CCDC178: variants seen among roughly 807,000 people sequenced by gnomAD.
The protein encoded by CCDC178 is coiled-coil domain-containing protein 178.
A neutral mutation model predicts 117.4 loss-of-function variants in CCDC178; 126 were observed. The ratio of observed to expected loss-of-function variants is 1.07; its 90% CI spans 0.93 to 1.24. The LOEUF is 1.24. Among genes scored for constraint, CCDC178 ranks in the 50% most tolerant of loss-of-function variants. CCDC178 has a pLI of 0.00. For synonymous variants in CCDC178, 283 were observed against 313.4 expected (o/e 0.90, Z 1.02); for missense variants, 1,030 against 986.9 (o/e 1.04, Z -0.59).
intron 9 of CCDC178, among the ~76,000 whole-genome samples, 162 bp from the exon 10 acceptor site, chr18:33,333,556 C>T (rs2062702155): frequency 7.2e-6 from 1 of 138,112 alleles, no homozygotes. Context: ...GCTCTTGTTG[C>T]CCAGGTTGGA....
Position 33,323,619 on chromosome 18 carries a change from G to C in CCDC178, c.894C>G (p.His298Gln), listed in dbSNP as rs1364166899. ...CTTCAAGTTCTTCATTAACTTTTCT[G>C]TGTAGGTCCATTACCTAGAAATGAA... is the stretch of plus-strand genomic sequence containing the variant. ...YKKKMEVMDLHRKVNEELEEA... is the reference protein window; with the variant it reads ...YKKKMEVMDLQRKVNEELEEA... Residue 298 changes from histidine (H) to glutamine (Q), a missense_variant, in exon 11 of 23, where the codon CAC (histidine) becomes CAG (glutamine). Coordinates refer to ENST00000383096, the MANE Select transcript of CCDC178 (RefSeq NM_001105528.4). 2 of 1,522,964 alleles carry C rather than the reference G, an allele frequency of 1.3e-6. No individual in the cohort carries two copies. The highest frequency in any genetic ancestry group is 1.8e-6 in the Non-Finnish European group (2 of 1,136,868). 94.3% of individuals were successfully genotyped at this position (1,522,964 alleles called of 1,614,324 possible). A position where few individuals can be genotyped will look rare whatever the true frequency, so the allele number is the denominator to read the frequency against.
At chr18:33,403,943 T>C (rs2063745047) in intron 3 of CCDC178, among the ~76,000 whole-genome samples, 1 of 152,206 alleles carries the variant, frequency 6.6e-6, no homozygotes, top group African/African-American at 2.4e-5. Context: ...AGGGGAAAAG[T>C]AGTTATTTTG....
intron 11 of CCDC178, among the ~76,000 whole-genome samples, chr18:33,321,645 G>A (rs1238972190): frequency 6.6e-6 from 1 of 151,424 alleles, no homozygotes; most frequent in Non-Finnish European, 1.5e-5. Flanking sequence ...TGCCTGTGGT[G>A]GTAATTAATA....
rs2055963154 is a variant in CCDC178 at position 33,015,372 on chromosome 18, T to C, written c.2389-40691A>G. On this transcript the variant is annotated intron_variant, in intron 21 of 22. Transcript: ENST00000383096. Reference sequence around the variant, plus strand: ...CGAGGTCAGGAGACCGAGACCATCCTGGCTAACACGGTGAAACCCCGTCTC... The same window carrying C: ...CGAGGTCAGGAGACCGAGACCATCCCGGCTAACACGGTGAAACCCCGTCTC... 2.0e-5 allele frequency among the ~76,000 whole-genome samples: 3 copies of C among 151,936 alleles called. No homozygotes were observed. The South Asian group carries it at 6.2e-4, about 32-fold the overall frequency.
At chr18:32,950,534 C>T (rs960899730) in intron 22 of CCDC178, among the ~76,000 whole-genome samples, 8 of 152,100 alleles carry the variant, frequency 5.3e-5, no homozygotes, top group South Asian at 4.1e-4. Context: ...ATGTCTCATT[C>T]GATTTCGTTT....
chr18:33,418,377 C>T (rs2063975184), intron 2 of CCDC178, among the ~76,000 whole-genome samples: 1 of 152,002 alleles, frequency 6.6e-6, no homozygotes, highest in Non-Finnish European at 1.5e-5. Flanking sequence ...AACCCACAGC[C>T]ATCATCATAC....
intron 21 of CCDC178, among the ~76,000 whole-genome samples, chr18:32,987,874 G>A (rs79834365): frequency 0.031 from 4,669 of 151,994 alleles, 106 homozygotes; most frequent in East Asian, 0.08. Flanking sequence ...GAGGCAGGTG[G>A]ATCGCCTGAG....
intron 20 of CCDC178, among the ~76,000 whole-genome samples, chr18:33,169,950 T>G (rs1447035455): frequency 6.6e-6 from 1 of 152,052 alleles, no homozygotes; most frequent in African/African-American, 2.4e-5. Context: ...GTTTTCTCAA[T>G]CTCTGCTGCC....
rs181234609 is a variant in CCDC178, at chr18:33,112,443, T to C, written c.2239-19533A>G. On this transcript the variant is annotated intron_variant, in intron 20 of 22. Coordinates refer to ENST00000383096, the MANE Select transcript of CCDC178 (RefSeq NM_001105528.4). ...ATGATCATGCTCAATTTAAGCCTAC[T>C]AGCCATATTTAAAAGATTTCGTCTA... Among the ~76,000 whole-genome samples, 4 of 152,058 alleles carry C rather than the reference T, an allele frequency of 2.6e-5. No individual in the cohort carries two copies. In the East Asian group the frequency reaches 7.8e-4, roughly 29 times the overall value.
chr18:33,113,779 C>T (rs2057815408), intron 20 of CCDC178, among the ~76,000 whole-genome samples: 1 of 152,030 alleles, frequency 6.6e-6, no homozygotes, highest in African/African-American at 2.4e-5. Flanking sequence ...ATGCAAGGGA[C>T]ACTACTTTGG....
intron 21 of CCDC178, among the ~76,000 whole-genome samples, chr18:33,073,254 G>C (rs987803547): frequency 1.3e-5 from 2 of 151,800 alleles, no homozygotes; most frequent in Non-Finnish European, 2.9e-5. Context: ...CTGATAGATG[G>C]ATAGAAATGA....
At chr18:33,398,498 A>T (rs1033399871) in intron 3 of CCDC178, among the ~76,000 whole-genome samples, 1 of 152,194 alleles carries the variant, frequency 6.6e-6, no homozygotes, top group Non-Finnish European at 1.5e-5. Context: ...ATTCATAATG[A>T]TTTTCCTAAA....
At chr18:33,135,841 C>G (rs1033072830) in intron 20 of CCDC178, among the ~76,000 whole-genome samples, 13 of 152,062 alleles carry the variant, frequency 8.5e-5, no homozygotes, top group African/African-American at 3.1e-4. Context: ...CTTGGTCTGC[C>G]CTGCAAGGTT....
intron 3 of CCDC178, among the ~76,000 whole-genome samples, chr18:33,408,500 A>G (rs1170396476): frequency 6.6e-6 from 1 of 151,898 alleles, no homozygotes; most frequent in Non-Finnish European, 1.5e-5. Context: ...ATAGAACTGT[A>G]TATGTATTAC....
chr18:33,313,999 G>T (rs1248663238), intron 11 of CCDC178, among the ~76,000 whole-genome samples: 1 of 151,302 alleles, frequency 6.6e-6, no homozygotes, highest in Admixed American at 6.6e-5. Context: ...AGGAGATCGA[G>T]ACCATCCCGG....
chr18:33,023,692 A>G (rs1293528993), intron 21 of CCDC178, among the ~76,000 whole-genome samples: 1 of 152,176 alleles, frequency 6.6e-6, no homozygotes, highest in Non-Finnish European at 1.5e-5. Context: ...AGCTAAATAA[A>G]TCCAAAGCAA....
chr18:33,211,792 C>T, intron 20 of CCDC178, 104 bp downstream of exon 20: 2 of 865,110 alleles, frequency 2.3e-6, no homozygotes, highest in Non-Finnish European at 3.5e-6. Context: ...TTTTTAAAAT[C>T]TTAACACCCT....
intron 20 of CCDC178, among the ~76,000 whole-genome samples, chr18:33,206,558 T>A (rs563270049): frequency 3.6e-4 from 55 of 152,264 alleles, no homozygotes; most frequent in African/African-American, 1.3e-3. Flanking sequence ...GTATTTCATA[T>A]ACCTTAATGA....
At chr18:33,162,030 C>T (rs920308054) in intron 20 of CCDC178, among the ~76,000 whole-genome samples, 9 of 152,180 alleles carry the variant, frequency 5.9e-5, no homozygotes, top group Admixed American at 2.0e-4. Context: ...TTTACAGTCC[C>T]ACCAACAGTG....
Sources: allele counts gnomAD v4.1 joint callset (sites outside exome capture counted in the v4.1 genomes callset), GRCh38; gene constraint gnomAD v4.1.1; transcripts MANE v1.5; gene names NCBI Gene and HGNC (gene_info 2026-07-23, HGNC 2026-07-21).